SLC35F4: variants seen among roughly 807,000 people sequenced by gnomAD.
The protein encoded by SLC35F4 is solute carrier family 35 member F4.
In SLC35F4, 24 loss-of-function variants were observed where a neutral mutation model predicts 44.2. The ratio of observed to expected loss-of-function variants is 0.54; its 90% confidence interval spans 0.39 to 0.76. The LOEUF (loss-of-function observed/expected upper bound fraction) is 0.76, where lower values mean the gene tolerates loss of function less well. Among genes scored for constraint, SLC35F4 ranks in the 30% least tolerant of loss-of-function variants. The pLI is 0.00. For missense variants in SLC35F4, 562 were observed against 586.1 expected (o/e 0.96, Z 0.42); for synonymous variants, 238 against 223.6 (o/e 1.06, Z -0.57).
chr14:57,829,885 G>A (rs1884168187), intron 1 of SLC35F4, among the ~76,000 whole-genome samples: 1 of 152,130 alleles, frequency 6.6e-6, no homozygotes, highest in African/African-American at 2.4e-5. Context: ...TATTTTATAA[G>A]CAATGGGAAA....
In SLC35F4 at chr14:57,630,640, C is replaced by A; in HGVS notation, c.104-36516G>T. ...TCAAAATCACAGTCTATGTTTAGGT[C>A]AAAATCGGTATCAAGGTCTTGGACT... On this transcript the variant is annotated intron_variant, in intron 1 of 7. Coordinates refer to ENST00000556826, the MANE Select transcript of SLC35F4 (RefSeq NM_001306087.2). 4 of 737,480 alleles carry A rather than the reference C, an allele frequency of 5.4e-6. No homozygotes were observed. In the South Asian group the frequency reaches 5.5e-5, roughly 10 times the overall value. 45.7% of individuals were successfully genotyped at this position (737,480 alleles called of 1,614,324 possible).
intron 1 of SLC35F4, among the ~76,000 whole-genome samples, chr14:57,658,257 G>A (rs1380113892): frequency 1.3e-5 from 2 of 152,142 alleles, no homozygotes; most frequent in African/African-American, 4.8e-5. Flanking sequence ...CAGAGAAGCA[G>A]TTAGCTATGA....
At chr14:57,779,556 G>C (rs2077568732) in intron 1 of SLC35F4, among the ~76,000 whole-genome samples, 2 of 152,104 alleles carry the variant, frequency 1.3e-5, no homozygotes, top group Non-Finnish European at 2.9e-5. Context: ...AACCTGAAGA[G>C]GAAGGACTTC....
chr14:57,606,683 A>G (rs1745690), intron 1 of SLC35F4, among the ~76,000 whole-genome samples: 107,380 of 152,040 alleles, frequency 0.71, 38,731 homozygotes, highest in Middle Eastern at 0.8. Flanking sequence ...CAACCACTCT[A>G]CCAAGTTTGG....
rs182124002 is a variant in SLC35F4, at chr14:57,791,562, G to A, written c.103+74161C>T. On this transcript the variant is annotated intron_variant, in intron 1 of 7. Transcript: ENST00000556826. ...GTAAATTAGTTCAACCATTGTGGAC[G>A]ACAGTGTGGTGATTCCTCAAGGATC... 2.9e-4 allele frequency among the ~76,000 whole-genome samples: 44 copies of A among 152,308 alleles called. 1 individual carries two copies. In the South Asian group the frequency reaches 6.2e-3, roughly 22 times the overall value.
rs1364154893 is a variant in SLC35F4 at position 57,585,466 on chromosome 14, AAC to A, written c.587+3748_587+3749del. 5.3e-5 allele frequency among the ~76,000 whole-genome samples: 8 copies of A among 152,212 alleles called. No individual in the cohort carries two copies. In the East Asian group the frequency reaches 1.5e-3, roughly 29 times the overall value. ...ATGCCATCTCTTACCACTCCTATTC[AAC>A]ATAGTATTGGAAGTTCTGGCCAGGG... On this transcript the variant is annotated intron_variant, in intron 3 of 7. Coordinates refer to ENST00000556826, the MANE Select transcript of SLC35F4 (RefSeq NM_001306087.2).
At chr14:57,662,380 T>C (rs2140240067) in intron 1 of SLC35F4, among the ~76,000 whole-genome samples, 1 of 152,228 alleles carries the variant, frequency 6.6e-6, no homozygotes, top group East Asian at 1.9e-4. Flanking sequence ...ATATTGAGAG[T>C]TGGACATTTA....
chr14:57,622,420 A>C (rs926018847), intron 1 of SLC35F4, among the ~76,000 whole-genome samples: 58 of 149,532 alleles, frequency 3.9e-4, no homozygotes, highest in African/African-American at 1.4e-3. Flanking sequence ...AAACCAACCC[A>C]AATGTCCAAC....
chr14:57,594,735 G>A (rs1239077021), intron 1 of SLC35F4, among the ~76,000 whole-genome samples: 1 of 152,152 alleles, frequency 6.6e-6, no homozygotes, highest in Non-Finnish European at 1.5e-5. Context: ...TGCCAACAGT[G>A]TTTCCAACAA....
chr14:57,836,334 C>A (rs1382157741), intron 1 of SLC35F4, among the ~76,000 whole-genome samples: 1 of 152,126 alleles, frequency 6.6e-6, no homozygotes, highest in Non-Finnish European at 1.5e-5. Flanking sequence ...CTCGCTGTCA[C>A]CAGGCTGGAG....
chr14:57,592,163 C>T (rs1239244423), intron 2 of SLC35F4, among the ~76,000 whole-genome samples: 1 of 152,164 alleles, frequency 6.6e-6, no homozygotes, highest in African/African-American at 2.4e-5. Context: ...TTTCTGCGTA[C>T]CTTTATCAAG....
intron 1 of SLC35F4, among the ~76,000 whole-genome samples, chr14:57,686,151 A>G (rs2075060886): frequency 6.6e-6 from 1 of 152,224 alleles, no homozygotes; most frequent in Non-Finnish European, 1.5e-5. Flanking sequence ...AGTAGAAAGT[A>G]AAGCATTATG....
At chr14:57,614,350 A>T (rs1030346203) in intron 1 of SLC35F4, among the ~76,000 whole-genome samples, 14 of 152,228 alleles carry the variant, frequency 9.2e-5, no homozygotes, top group Admixed American at 2.0e-4. Flanking sequence ...TATTTCCAAA[A>T]ACTCTCAGTG....
chr14:57,862,729 A>C (rs1305449451), intron 1 of SLC35F4, among the ~76,000 whole-genome samples: 4 of 152,318 alleles, frequency 2.6e-5, no homozygotes, highest in African/African-American at 9.6e-5. Context: ...TTCCCTGATG[A>C]GCCTATTTAA....
rs540872606 is a variant in SLC35F4 at position 57,947,292 on chromosome 14, G to A, written n.282+34621C>T. ...TTTGTTTGTTTGTTTGTTGGGAGCT[G>A]TTGTAAAAGGGATTGAGTTCCTGAT... On this transcript the variant is annotated intron_variant and non_coding_transcript_variant, in intron 1 of 1. Coordinates refer to the SLC35F4 transcript ENST00000556568. Among the ~76,000 whole-genome samples, 15 of 149,536 alleles carry A rather than the reference G, an allele frequency of 1.0e-4. No individual in the cohort carries two copies. The East Asian group carries it at 2.7e-3, about 27-fold the overall frequency.
chr14:57,888,372 T>C (rs1312148024), intron 1 of SLC35F4, among the ~76,000 whole-genome samples: 2 of 152,192 alleles, frequency 1.3e-5, no homozygotes, highest in South Asian at 2.1e-4. Context: ...TCCCCTTCCA[T>C]GTTGGGAATA....
At chr14:57,675,167 T>C (rs989151073) in intron 1 of SLC35F4, among the ~76,000 whole-genome samples, 5 of 152,062 alleles carry the variant, frequency 3.3e-5, no homozygotes, top group Non-Finnish European at 5.9e-5. Context: ...AACTTTCTGA[T>C]AGGGCTTTCA....
intron 1 of SLC35F4, among the ~76,000 whole-genome samples, chr14:57,652,288 T>A (rs76782706): frequency 0.014 from 2,071 of 152,284 alleles, 50 homozygotes; most frequent in African/African-American, 0.047. Context: ...AGAAACCCCA[T>A]GGACAGGCGT....
At chr14:57,711,857 T>G (rs2075825459) in intron 1 of SLC35F4, among the ~76,000 whole-genome samples, 1 of 152,208 alleles carries the variant, frequency 6.6e-6, no homozygotes, top group East Asian at 1.9e-4. Flanking sequence ...TGGAAAACAC[T>G]TATCCAATTA....
Sources: gnomAD v4.1 joint callset for allele counts (sites outside exome capture counted in the v4.1 genomes callset) on GRCh38, gnomAD v4.1.1 for gene constraint, MANE v1.5 for transcripts, NCBI Gene and HGNC (gene_info 2026-07-23, HGNC 2026-07-21) for gene names.